The following VPS8 variants were observed in gnomAD, a reference collection of about 807,000 sequenced individuals.
VPS8 encodes the protein VPS8 subunit of CORVET complex, also known as vacuolar protein sorting-associated protein 8 homolog.
VPS8 carries 129 observed loss-of-function variants against 216.4 expected under a neutral mutation model. The ratio of observed to expected loss-of-function variants is 0.60; its 90% CI spans 0.52 to 0.69. The LOEUF (loss-of-function observed/expected upper bound fraction) is 0.69, where lower values mean the gene tolerates loss of function less well. VPS8 is among the 30% of genes least tolerant of loss of function. The pLI is 0.00. For missense variants in VPS8, 1,531 were observed against 1,683.5 expected, an observed-to-expected ratio of 0.91 and a Z score of 1.59; for synonymous variants, 571 against 565.4, an observed-to-expected ratio of 1.01 and a Z score of -0.14.
chr3:185,022,088 C>T (rs1424891126), intron 45 of VPS8, among the ~76,000 whole-genome samples: 3 of 152,068 alleles, frequency 2.0e-5, no homozygotes, highest in Admixed American at 6.6e-5. Flanking sequence ...GGGGCGGTTA[C>T]CCTTATGCTG....
intron 45 of VPS8, among the ~76,000 whole-genome samples, chr3:185,021,386 C>A (rs907901112): frequency 6.6e-6 from 1 of 152,184 alleles, no homozygotes; most frequent in Admixed American, 6.5e-5. Context: ...CTGACTTAAT[C>A]TCTAGAGAAC....
At chr3:185,031,931 A>G (rs1758230492) in intron 46 of VPS8, among the ~76,000 whole-genome samples, 1 of 152,206 alleles carries the variant, frequency 6.6e-6, no homozygotes, top group South Asian at 2.1e-4. Context: ...TGGGAAGCCG[A>G]GACGGGCAGA....
At chr3:184,888,737 G>A (rs1285906185) in intron 22 of VPS8, among the ~76,000 whole-genome samples, 1 of 152,146 alleles carries the variant, frequency 6.6e-6, no homozygotes, top group Non-Finnish European at 1.5e-5. Context: ...ATTTATAAAT[G>A]AGATGAAGTG....
chr3:185,042,236 A>G (rs1167781873), intron 46 of VPS8, among the ~76,000 whole-genome samples: 1 of 152,120 alleles, frequency 6.6e-6, no homozygotes, highest in African/African-American at 2.4e-5. Flanking sequence ...CTTCCTTTAG[A>G]GACTTTTGAG....
chr3:184,868,211 C>G, intron 18 of VPS8, 152 bp downstream of exon 18: 8 of 682,266 alleles, frequency 1.2e-5, no homozygotes, highest in Non-Finnish European at 1.9e-5. Flanking sequence ...ACTTGATTTG[C>G]TAGAACTGAC....
intron 21 of VPS8, among the ~76,000 whole-genome samples, chr3:184,882,872 C>T (rs1181650479): frequency 6.6e-6 from 1 of 151,998 alleles, no homozygotes; most frequent in Non-Finnish European, 1.5e-5. Context: ...CCCTTATTAT[C>T]CTTTTGATGT....
At chr3:184,814,484 C>A (rs543115231) in intron 1 of VPS8, among the ~76,000 whole-genome samples, 1 of 152,192 alleles carries the variant, frequency 6.6e-6, no homozygotes, top group African/African-American at 2.4e-5. Flanking sequence ...CACACCTAGA[C>A]TATGTGGGAT....
At chr3:184,841,507 C>T (rs532131764) in intron 7 of VPS8, among the ~76,000 whole-genome samples, 10 of 152,072 alleles carry the variant, frequency 6.6e-5, no homozygotes, top group Non-Finnish European at 1.3e-4. Flanking sequence ...ACATATAGTA[C>T]TGTGATGAAC....
intron 33 of VPS8, among the ~76,000 whole-genome samples, chr3:184,930,008 G>T (rs1740401325): frequency 1.3e-5 from 2 of 152,202 alleles, no homozygotes. Flanking sequence ...GCCAGTGAAG[G>T]AAAGAGCCAA....
At position 184,913,615 on chromosome 3, in the gene VPS8, A is replaced by G. The variant is rs548026835; in HGVS notation, c.2189+54A>G. ...TGTATGTTCTTTCTATATTTTTCCT[A>G]TATTTTTAGAGATACTATGATCTCT... On this transcript the variant is annotated intron_variant, in intron 26 of 47. Coordinates refer to ENST00000625842, the MANE Select transcript of VPS8 (RefSeq NM_001009921.3). 9.0e-5 allele frequency: 128 copies of G among 1,416,156 alleles called. No individual in the cohort carries two copies. The African/African-American group carries it at 1.7e-3, about 18-fold the overall frequency. The allele number at this position is 1,416,156 out of a possible 1,614,324, so 87.7% of individuals were successfully genotyped here.
intron 45 of VPS8, among the ~76,000 whole-genome samples, chr3:185,013,345 G>A (rs140993951): frequency 2.3e-4 from 35 of 152,304 alleles, no homozygotes; most frequent in African/African-American, 7.7e-4. Context: ...TGCATGGTGA[G>A]CTACTTCTCT....
chr3:184,831,282 G>T (rs1719924094), intron 3 of VPS8, among the ~76,000 whole-genome samples: 1 of 152,216 alleles, frequency 6.6e-6, no homozygotes, highest in Non-Finnish European at 1.5e-5. Flanking sequence ...AGCTGTGATT[G>T]TGCTACTGCA....
At chr3:184,875,822 CAA>C (rs59957370) in intron 21 of VPS8, among the ~76,000 whole-genome samples, 6 of 72,486 alleles carry the variant, frequency 8.3e-5, no homozygotes, top group Non-Finnish European at 5.7e-5. Context: ...CTTGTCTCTA[CAA>C]AAAAAAAAAA....
At chr3:184,836,728 T>C (rs1308697397) in intron 5 of VPS8, among the ~76,000 whole-genome samples, 1 of 152,228 alleles carries the variant, frequency 6.6e-6, no homozygotes, top group Non-Finnish European at 1.5e-5. Context: ...TATTTCTCCC[T>C]GAATAATTGC....
At chr3:184,937,068 A>T (rs1741782515) in intron 35 of VPS8, among the ~76,000 whole-genome samples, 1 of 152,172 alleles carries the variant, frequency 6.6e-6, no homozygotes, top group Admixed American at 6.5e-5. Flanking sequence ...ATTCATATTT[A>T]TTCAAAACTT....
At chr3:184,972,252 GGCTTTATATTCATGGTTTGGCTGT>G (rs1748551824) in intron 40 of VPS8, among the ~76,000 whole-genome samples, 1 of 152,140 alleles carries the variant, frequency 6.6e-6, no homozygotes, top group African/African-American at 2.4e-5. Context: ...TCTCACCAAA[GGCTTTATATTCATGGTTTGGCTGT>G]GCTGCAAAAC....
At chr3:184,905,976 A>G (rs933243777) in intron 25 of VPS8, among the ~76,000 whole-genome samples, 1 of 152,142 alleles carries the variant, frequency 6.6e-6, no homozygotes, top group African/African-American at 2.4e-5. Flanking sequence ...AGCACAATAT[A>G]TGTATCAGAA....
intron 14 of VPS8, among the ~76,000 whole-genome samples, chr3:184,857,692 C>A (rs186770687): frequency 6.6e-6 from 1 of 152,246 alleles, no homozygotes; most frequent in Non-Finnish European, 1.5e-5. Flanking sequence ...TACTTAGGAA[C>A]CTGTGATGAC....
chr3:184,955,985 CTCTT>C (rs1745534613), intron 36 of VPS8, among the ~76,000 whole-genome samples: 2 of 150,512 alleles, frequency 1.3e-5, no homozygotes, highest in South Asian at 4.2e-4. Flanking sequence ...AAAAAGAACA[CTCTT>C]TCTTTGGAAT....
Sources: gnomAD v4.1 joint callset for allele counts (sites outside exome capture counted in the v4.1 genomes callset) on GRCh38, gnomAD v4.1.1 for gene constraint, MANE v1.5 for transcripts, NCBI Gene and HGNC (gene_info 2026-07-23, HGNC 2026-07-21) for gene names.